DDX31: variants seen among roughly 807,000 people sequenced by gnomAD.
DDX31 encodes the protein DEAD-box helicase 31.
A neutral mutation model predicts 91.3 loss-of-function variants in DDX31; 70 were observed. The observed-to-expected ratio is 0.77, with a 90% CI of 0.63 to 0.94. DDX31 has a LOEUF of 0.94. Ranked by LOEUF, DDX31 falls within the 40% of genes least tolerant of loss-of-function variation. The pLI, the probability that DDX31 is intolerant of heterozygous loss-of-function variation, is 0.00. For missense variants in DDX31, 902 were observed against 925.0 expected (o/e 0.98, Z 0.32); for synonymous variants, 362 against 350.6 (o/e 1.03, Z -0.36).
intron 1 of DDX31, among the ~76,000 whole-genome samples, chr9:132,666,041 T>C (rs1238672997): frequency 6.6e-6 from 1 of 152,222 alleles, no homozygotes; most frequent in African/African-American, 2.4e-5. Context: ...ACATTATAGT[T>C]TTGCCTTGTA....
chr9:132,601,104 A>G (rs189600262), intron 19 of DDX31, among the ~76,000 whole-genome samples: 31 of 152,318 alleles, frequency 2.0e-4, no homozygotes, highest in African/African-American at 6.5e-4. Context: ...GCAGAATCCC[A>G]GCCCCACACC....
intron 17 of DDX31, among the ~76,000 whole-genome samples, chr9:132,622,092 T>C: frequency 6.6e-6 from 1 of 152,052 alleles, no homozygotes; most frequent in East Asian, 1.9e-4. Flanking sequence ...TGAGACAGAG[T>C]TTCTAGACCT....
intron 14 of DDX31, among the ~76,000 whole-genome samples, chr9:132,632,464 G>A (rs1832853920): frequency 6.6e-6 from 1 of 152,092 alleles, no homozygotes; most frequent in African/African-American, 2.4e-5. Flanking sequence ...GTAATTATCA[G>A]TTGTGTAATG....
In DDX31 at chr9:132,652,626, C is replaced by T. The variant is rs1301207593; in HGVS notation, c.589-134G>A. ...GAAGAAAGGGACAAAATAAGGTTGC[C>T]CACTGATGTGGTCTGGCTGTGCCCC... On this transcript the variant is annotated intron_variant, in intron 6 of 19. Coordinates refer to ENST00000372159, the MANE Select transcript of DDX31 (RefSeq NM_022779.9). 3 of 1,148,602 alleles carry T rather than the reference C, an allele frequency of 2.6e-6. No homozygotes were observed. In the African/African-American group the frequency reaches 4.6e-5, roughly 18 times the overall value. 71.2% of individuals were successfully genotyped at this position (1,148,602 alleles called of 1,614,324 possible).
Position 132,618,440 on chromosome 9 carries a change from T to G in DDX31, c.1715A>C (p.Lys572Thr), listed in dbSNP as rs372190424. The G allele has an allele frequency of 6.2e-7, 1 of 1,609,248 alleles. No homozygotes were observed. The highest frequency in any genetic ancestry group is 8.5e-7 in the Non-Finnish European group (1 of 1,177,890). ...CFKGKRWGAQ[K>T]SHAVGPQEIR... The stretch of plus-strand genomic sequence containing the variant: ...TTCCTGGGGGCCAACAGCATGGGAT[T>G]TCTGAGAGGGCGACGGAAGGATTAA... Residue 572 changes from lysine (K) to threonine (T), a missense_variant and splice_region_variant, in exon 18 of 20, where the codon AAA becomes ACA. Lys to Thr is a moderately conservative substitution (Grantham distance 78, BLOSUM62 -1). Transcript: ENST00000372159.
intron 7 of DDX31, among the ~76,000 whole-genome samples, chr9:132,651,816 A>AT (rs1421469039): frequency 6.6e-6 from 1 of 152,222 alleles, no homozygotes; most frequent in Non-Finnish European, 1.5e-5. Flanking sequence ...TGCTGTAAAA[A>AT]TTTTAATAGC....
At position 132,645,910 on chromosome 9, in the gene DDX31, G is replaced by T. The variant is rs367677891; in HGVS notation, c.1365C>A (p.Gly455=). The change falls in exon 13 of 20, where the codon GGC becomes GGA. Residue 455 remains glycine (G), a synonymous_variant. Transcript: ENST00000372159. Reference sequence around the variant, plus strand: ...CAGTGCTCACCTCCTGCTCCATGCCGCCATGCAGCCGTAGGAATTTTAATC... The same window carrying T: ...CAGTGCTCACCTCCTGCTCCATGCCTCCATGCAGCCGTAGGAATTTTAATC... ...SMRLKFLRLH[G]GMEQEERTAV... The T allele has an allele frequency of 6.2e-7, 1 of 1,612,712 alleles. No homozygotes were observed. Among genetic ancestry groups the T allele is most frequent in the Non-Finnish European group, 8.5e-7 (1 of 1,179,398 alleles).
intron 14 of DDX31, among the ~76,000 whole-genome samples, chr9:132,635,115 T>C (rs972277274): frequency 6.6e-6 from 1 of 152,202 alleles, no homozygotes; most frequent in Non-Finnish European, 1.5e-5. Context: ...ACAAACAACC[T>C]CAGGGTGGTG....
chr9:132,657,765 G>A (rs938203906), intron 6 of DDX31, among the ~76,000 whole-genome samples: 1 of 152,154 alleles, frequency 6.6e-6, no homozygotes, highest in Non-Finnish European at 1.5e-5. Flanking sequence ...AGGATCCTGG[G>A]CTGGCGTTTG....
intron 6 of DDX31, among the ~76,000 whole-genome samples, chr9:132,656,679 T>C (rs1564334113): frequency 6.6e-6 from 1 of 152,212 alleles, no homozygotes; most frequent in African/African-American, 2.4e-5. Flanking sequence ...CTGATATGTA[T>C]GTCATCAAAT....
intron 13 of DDX31, among the ~76,000 whole-genome samples, chr9:132,645,232 A>G (rs985517864): frequency 6.6e-6 from 1 of 152,118 alleles, no homozygotes; most frequent in Non-Finnish European, 1.5e-5. Flanking sequence ...CCCCGACTCC[A>G]TAACAAACGG....
At chr9:132,649,732 G>A (rs1440429882) in intron 9 of DDX31, among the ~76,000 whole-genome samples, 1 of 152,154 alleles carries the variant, frequency 6.6e-6, no homozygotes, top group Non-Finnish European at 1.5e-5. Flanking sequence ...CAATAAAAAT[G>A]TTTTCAAAAG....
chr9:132,656,364 C>T (rs926626230), intron 6 of DDX31, among the ~76,000 whole-genome samples: 2 of 152,170 alleles, frequency 1.3e-5, no homozygotes, highest in Admixed American at 6.5e-5. Flanking sequence ...CCGACCTGTT[C>T]GTGATTTTTT....
intron 19 of DDX31, among the ~76,000 whole-genome samples, chr9:132,601,732 G>A (rs1295919528): frequency 6.6e-6 from 1 of 152,220 alleles, no homozygotes; most frequent in African/African-American, 2.4e-5. Context: ...AGACCAAAAT[G>A]CAGCTGGGCC....
chr9:132,595,043 G>T lies in DDX31; in HGVS notation c.2064C>A (p.Ser688Arg). Reference sequence around the variant, plus strand: ...CCTTGGCGATGTCGGCCTCCATGCCGCTTGAGTATTCCGAACGTAGGATTT... The same window carrying T: ...CCTTGGCGATGTCGGCCTCCATGCCTCTTGAGTATTCCGAACGTAGGATTT... ...LAEILRSEYS[S>R]GMEADIAKVK... Residue 688 changes from serine (S) to arginine (R), a missense_variant, in exon 20 of 20, where the codon AGC becomes AGA. Transcript: ENST00000372159. The surrounding 1 kb of genome is among the most constrained non-coding windows in gnomAD (Gnocchi z 4.6). 1 of 1,614,236 alleles carries T rather than the reference G, an allele frequency of 6.2e-7. No individual in the cohort carries two copies. Among genetic ancestry groups the T allele is most frequent in the South Asian group, 1.1e-5 (1 of 91,092 alleles).
At chr9:132,619,229 G>A (rs1483872335) in intron 17 of DDX31, among the ~76,000 whole-genome samples, 1 of 152,212 alleles carries the variant, frequency 6.6e-6, no homozygotes, top group Non-Finnish European at 1.5e-5. Context: ...CTAAAAACTA[G>A]TGGCTTTTGT....
chr9:132,649,520 T>G (rs547757660), intron 9 of DDX31, among the ~76,000 whole-genome samples: 1 of 152,334 alleles, frequency 6.6e-6, no homozygotes, highest in East Asian at 1.9e-4. Context: ...AGGCCAGCCT[T>G]GGACTGGCTC....
intron 19 of DDX31, among the ~76,000 whole-genome samples, chr9:132,604,460 A>T (rs947377777): frequency 1.3e-5 from 2 of 152,142 alleles, no homozygotes; most frequent in African/African-American, 4.8e-5. Context: ...GTTCTACATA[A>T]AAAACTACTG....
chr9:132,607,037 A>G (rs992702137), intron 19 of DDX31, among the ~76,000 whole-genome samples: 2 of 152,214 alleles, frequency 1.3e-5, no homozygotes, highest in African/African-American at 2.4e-5. Flanking sequence ...AACCTGTCCT[A>G]TCTATGAAGA....
Sources: gnomAD v4.1 joint callset for allele counts (sites outside exome capture counted in the v4.1 genomes callset) on GRCh38, gnomAD v4.1.1 for gene constraint, Gnocchi (gnomAD v3.1) non-coding constraint, MANE v1.5 for transcripts, NCBI Gene and HGNC (gene_info 2026-07-23, HGNC 2026-07-21) for gene names.